MAP2K1: variants seen among roughly 807,000 people sequenced by gnomAD.
MAP2K1 encodes the protein dual specificity mitogen-activated protein kinase kinase 1.
A neutral mutation model predicts 46.3 loss-of-function variants in MAP2K1; 16 were observed. The ratio of observed to expected loss-of-function variants is 0.35; its 90% CI spans 0.23 to 0.52. The LOEUF (loss-of-function observed/expected upper bound fraction) is 0.52, where lower values mean the gene tolerates loss of function less well. Among genes scored for constraint, MAP2K1 ranks in the 20% least tolerant of loss-of-function variants. MAP2K1 has a pLI of 0.94. For missense variants in MAP2K1, 263 were observed against 497.1 expected (o/e 0.53, Z 4.48); for synonymous variants, 183 against 185.6 (o/e 0.99, Z 0.11).
intron 5 of MAP2K1, among the ~76,000 whole-genome samples, chr15:66,475,633 T>C (rs1892738713): frequency 1.3e-5 from 2 of 152,206 alleles, no homozygotes; most frequent in African/African-American, 2.4e-5. Flanking sequence ...TGGAAACACA[T>C]AGAAGGCCGA....
chr15:66,391,240 G>T (rs547194744), intron 1 of MAP2K1, among the ~76,000 whole-genome samples: 2 of 152,064 alleles, frequency 1.3e-5, no homozygotes, highest in Non-Finnish European at 2.9e-5. Flanking sequence ...TTTCATTGGG[G>T]TGTTCTTAAT....
At chr15:66,479,757 C>T (rs950984532) in intron 5 of MAP2K1, among the ~76,000 whole-genome samples, 14 of 152,200 alleles carry the variant, frequency 9.2e-5, no homozygotes, top group African/African-American at 3.4e-4. Flanking sequence ...AGACAGCCAA[C>T]GTCCTGCCCT....
chr15:66,394,046 T>G (rs1455694343), intron 1 of MAP2K1, among the ~76,000 whole-genome samples: 1 of 152,222 alleles, frequency 6.6e-6, no homozygotes, highest in Non-Finnish European at 1.5e-5. Flanking sequence ...GGGCTTTGCC[T>G]TGTTCATTGC....
intron 5 of MAP2K1, among the ~76,000 whole-genome samples, chr15:66,454,723 A>G (rs1892118435): frequency 6.6e-6 from 1 of 152,066 alleles, no homozygotes. Context: ...ATCTCTACTA[A>G]AAATACAAAA....
At chr15:66,477,646 A>C (rs953293573) in intron 5 of MAP2K1, among the ~76,000 whole-genome samples, 1 of 152,220 alleles carries the variant, frequency 6.6e-6, no homozygotes, top group African/African-American at 2.4e-5. Flanking sequence ...CTTCTGTCTC[A>C]CTAGCCAGTG....
intron 3 of MAP2K1, among the ~76,000 whole-genome samples, chr15:66,441,386 G>C (rs2093503248): frequency 6.6e-6 from 1 of 152,152 alleles, no homozygotes; most frequent in East Asian, 1.9e-4. Flanking sequence ...GAGAGGTAGT[G>C]CTGGCTGAGC....
chr15:66,387,129 G>A lies in MAP2K1; in HGVS notation c.-219G>A, dbSNP rs998944512. On this transcript the variant is annotated 5_prime_UTR_variant, in exon 1 of 11. Coordinates refer to ENST00000307102, the MANE Select transcript of MAP2K1 (RefSeq NM_002755.4). ...GCAGGGCAGCCTTTCGGCTCTCTGC[G>A]CGCGAAGCCGAGTCCCGGGCGGGTG... 3 of 452,468 alleles carry A rather than the reference G, an allele frequency of 6.6e-6. No homozygotes were observed. Among genetic ancestry groups the A allele is most frequent in the Non-Finnish European group, 1.2e-5 (3 of 255,842 alleles). 28.0% of individuals were successfully genotyped at this position (452,468 alleles called of 1,614,324 possible).
chr15:66,459,486 C>T (rs1028228669), intron 5 of MAP2K1, among the ~76,000 whole-genome samples: 38 of 151,538 alleles, frequency 2.5e-4, no homozygotes, highest in African/African-American at 9.0e-4. Flanking sequence ...GGCATGGTGG[C>T]GGGTACCTGT....
At chr15:66,487,762 G>C (rs1183910492) in intron 8 of MAP2K1, among the ~76,000 whole-genome samples, 1 of 152,066 alleles carries the variant, frequency 6.6e-6, no homozygotes, top group African/African-American at 2.4e-5. Flanking sequence ...GAGGGAGGCA[G>C]AGCATGTTGC....
intron 1 of MAP2K1, among the ~76,000 whole-genome samples, chr15:66,393,497 A>G (rs1435810286): frequency 6.6e-6 from 1 of 152,166 alleles, no homozygotes; most frequent in Non-Finnish European, 1.5e-5. Flanking sequence ...CTTTAAAACA[A>G]TACCGTTAAT....
chr15:66,393,709 TG>T (rs1165676396), intron 1 of MAP2K1, among the ~76,000 whole-genome samples: 2 of 152,244 alleles, frequency 1.3e-5, no homozygotes, highest in African/African-American at 2.4e-5. Flanking sequence ...TCTTCACTCA[TG>T]CACTCTAGCC....
chr15:66,425,208 A>G (rs115066523), intron 1 of MAP2K1, among the ~76,000 whole-genome samples: 2 of 152,044 alleles, frequency 1.3e-5, no homozygotes, highest in Non-Finnish European at 2.9e-5. Flanking sequence ...TATCTGCGGC[A>G]GGTCTTGGGC....
At chr15:66,425,584 C>CT (rs1567005686) in intron 1 of MAP2K1, among the ~76,000 whole-genome samples, 1 of 151,982 alleles carries the variant, frequency 6.6e-6, no homozygotes, top group East Asian at 1.9e-4. Context: ...CAGAGCTGGT[C>CT]TTTTTTTTAG....
chr15:66,415,641 CT>C (rs1397655304), intron 1 of MAP2K1, among the ~76,000 whole-genome samples: 1 of 152,214 alleles, frequency 6.6e-6, no homozygotes, highest in Non-Finnish European at 1.5e-5. Context: ...TTCAAGCTGA[CT>C]TTCCTGGCTT....
At chr15:66,449,930 C>T (rs1391648656) in intron 5 of MAP2K1, among the ~76,000 whole-genome samples, 1 of 149,660 alleles carries the variant, frequency 6.7e-6, no homozygotes, top group Non-Finnish European at 1.5e-5. Flanking sequence ...CATCAAAAAG[C>T]TTATCCACCA....
chr15:66,420,019 G>A (rs893454090), intron 1 of MAP2K1, among the ~76,000 whole-genome samples: 4 of 151,404 alleles, frequency 2.6e-5, no homozygotes, highest in African/African-American at 7.3e-5. Context: ...TGAGGTGGGT[G>A]GATCACCTGA....
chr15:66,404,968 A>T lies in MAP2K1; in HGVS notation c.80+17541A>T, dbSNP rs567638487. ...AAGAATTGATCCTACTGCAAGAAAGAGAGTAGGATAAGTCAGAAGACATGG... is the reference window on the plus strand; with the variant it reads ...AAGAATTGATCCTACTGCAAGAAAGTGAGTAGGATAAGTCAGAAGACATGG... On this transcript the variant is annotated intron_variant, in intron 1 of 10. Coordinates refer to ENST00000307102, the MANE Select transcript of MAP2K1 (RefSeq NM_002755.4). Among the ~76,000 whole-genome samples, 16 of 152,350 alleles carry T rather than the reference A, an allele frequency of 1.1e-4. No homozygotes were observed. The South Asian group carries it at 3.3e-3, about 32-fold the overall frequency.
intron 5 of MAP2K1, among the ~76,000 whole-genome samples, chr15:66,468,413 C>T (rs1377562113): frequency 6.6e-6 from 1 of 152,084 alleles, no homozygotes; most frequent in Non-Finnish European, 1.5e-5. Context: ...GCAAAATTTA[C>T]ATCATAAAGT....
intron 6 of MAP2K1, among the ~76,000 whole-genome samples, chr15:66,482,209 A>T (rs1892930529): frequency 1.3e-5 from 2 of 152,170 alleles, no homozygotes; most frequent in Non-Finnish European, 2.9e-5. Flanking sequence ...CAAACCCAGG[A>T]TGCTCAGATA....
Sources: gnomAD v4.1 joint callset for allele counts (sites outside exome capture counted in the v4.1 genomes callset) on GRCh38, gnomAD v4.1.1 for gene constraint, MANE v1.5 for transcripts, NCBI Gene and HGNC (gene_info 2026-07-23, HGNC 2026-07-21) for gene names.